Variants in THRAP3 observed in about 807,000 individuals in gnomAD.
THRAP3 encodes the protein thyroid hormone receptor-associated protein 3.
In THRAP3, 16 loss-of-function variants were observed where a neutral mutation model predicts 101.0. The ratio of observed to expected loss-of-function variants is 0.16; its 90% CI spans 0.11 to 0.24. The LOEUF (loss-of-function observed/expected upper bound fraction) is 0.24. THRAP3 is among the 10% of genes least tolerant of loss of function. THRAP3 has a pLI of 1.00. For missense variants in THRAP3, 989 were observed against 1,202.7 expected, an observed-to-expected ratio of 0.82 and a Z score of 2.63; for synonymous variants, 407 against 422.6, an observed-to-expected ratio of 0.96 and a Z score of 0.45.
intron 2 of THRAP3, among the ~76,000 whole-genome samples, chr1:36,272,126 C>G (rs978626395): frequency 7.9e-5 from 12 of 152,082 alleles, no homozygotes; most frequent in African/African-American, 2.7e-4. Flanking sequence ...AAGCAAGCCT[C>G]CTTCCTTAGC....
chr1:36,287,814 G>A (rs1645815146), intron 4 of THRAP3: 1 of 985,322 alleles, frequency 1.0e-6, no homozygotes, highest in African/African-American at 1.7e-5. Context: ...AAGCCAACAC[G>A]GCTGCGTGTT....
rs35954224 is a variant in THRAP3 at position 36,241,192 on chromosome 1, C to CAAA, written c.-135+16702_-135+16704dup. On this transcript the variant is annotated intron_variant, in intron 1 of 11. Transcript: ENST00000354618. ...TGGGCGACAGTGCAAGACTCCGTTTCAAAAAAAAAAAAAAAAAGATTTTTA... is the reference window on the plus strand; with the variant it reads ...TGGGCGACAGTGCAAGACTCCGTTTCAAAAAAAAAAAAAAAAAAAAGATTTTTA... Among the ~76,000 whole-genome samples, 13 of 123,234 alleles carry CAAA rather than the reference C, an allele frequency of 1.1e-4. No individual in the cohort carries two copies. The East Asian group carries it at 1.1e-3, about 11-fold the overall frequency. The allele number at this position is 123,234 out of a possible 152,430, so 80.8% of individuals were successfully genotyped here.
chr1:36,208,372 C>T, the THRAP3 span, among the ~76,000 whole-genome samples: 3 of 152,142 alleles, frequency 2.0e-5, no homozygotes, highest in African/African-American at 7.2e-5. Context: ...AAGCAGTAGT[C>T]AAGGGTGGGA....
chr1:36,249,515 C>T (rs1056614943), intron 1 of THRAP3, among the ~76,000 whole-genome samples: 5 of 152,196 alleles, frequency 3.3e-5, no homozygotes, highest in South Asian at 4.1e-4. Context: ...CTTAAGGGAC[C>T]TTCATGTTTA....
chr1:36,290,217 A>G (rs1176696014), intron 5 of THRAP3, among the ~76,000 whole-genome samples: 1 of 149,566 alleles, frequency 6.7e-6, no homozygotes, highest in Non-Finnish European at 1.5e-5. Context: ...TTTTTTTGAG[A>G]CGGGGTCTCC....
chr1:36,240,832 C>G (rs771591384), intron 1 of THRAP3, among the ~76,000 whole-genome samples: 1 of 152,132 alleles, frequency 6.6e-6, no homozygotes, highest in Non-Finnish European at 1.5e-5. Context: ...ATTTTACCTG[C>G]TACTTTAAAC....
At chr1:36,271,969 A>C (rs567659847) in intron 2 of THRAP3, among the ~76,000 whole-genome samples, 1 of 151,984 alleles carries the variant, frequency 6.6e-6, no homozygotes, top group African/African-American at 2.4e-5. Flanking sequence ...ACCTCAAGTA[A>C]TTCACCCCCT....
At chr1:36,288,889 G>A in intron 4 of THRAP3, 171 bp from the exon 5 acceptor site, 2 of 985,302 alleles carry the variant, frequency 2.0e-6, no homozygotes, top group Non-Finnish European at 2.4e-6. Flanking sequence ...ACTGTGAATG[G>A]CAGTTTTCAG....
intron 6 of THRAP3, among the ~76,000 whole-genome samples, chr1:36,291,977 G>T (rs925411532): frequency 6.6e-6 from 1 of 152,072 alleles, no homozygotes; most frequent in African/African-American, 2.4e-5. Context: ...GAGAAGCTGG[G>T]TTGGGCCAGT....
At chr1:36,211,211 A>T in the THRAP3 span, among the ~76,000 whole-genome samples, 1 of 151,614 alleles carries the variant, frequency 6.6e-6, no homozygotes, top group East Asian at 1.9e-4. Flanking sequence ...AAAAAAAAAA[A>T]TTAACTGTGC....
chr1:36,225,833 A>G (rs773867402), intron 1 of THRAP3, among the ~76,000 whole-genome samples: 1 of 152,260 alleles, frequency 6.6e-6, no homozygotes, highest in African/African-American at 2.4e-5. Context: ...TCATACGTTA[A>G]TGATAAGTTT....
At chr1:36,254,016 T>C (rs944802165) in intron 1 of THRAP3, among the ~76,000 whole-genome samples, 12 of 152,138 alleles carry the variant, frequency 7.9e-5, no homozygotes, top group African/African-American at 2.9e-4. Context: ...GTGGTTCTTG[T>C]TGAAAAATTT....
chr1:36,258,387 C>T (rs544196471), intron 1 of THRAP3, among the ~76,000 whole-genome samples: 2 of 151,268 alleles, frequency 1.3e-5, no homozygotes, highest in African/African-American at 2.4e-5. Flanking sequence ...TTTGTACTTA[C>T]ATTAATAAAG....
chr1:36,305,003 T>C lies in THRAP3; in HGVS notation c.*986T>C. 4.8e-6 allele frequency: 1 copy of C among 209,978 alleles called. No homozygotes were observed. The allele number at this position is 209,978 out of a possible 1,614,324, so 13.0% of individuals were successfully genotyped here. A position where few individuals can be genotyped will look rare whatever the true frequency, so the allele number is the denominator to read the frequency against. The stretch of plus-strand genomic sequence containing the variant: ...GGTGGTTCAGGGGTTTTTTTGGGTT[T>C]CTTTTTTTTTTTCTTTGTCTTTTTA... On this transcript the variant is annotated 3_prime_UTR_variant, in exon 12 of 12. Transcript: ENST00000354618.
the THRAP3 span, among the ~76,000 whole-genome samples, chr1:36,208,228 G>C: frequency 6.6e-6 from 1 of 151,892 alleles, no homozygotes; most frequent in African/African-American, 2.4e-5. Flanking sequence ...TCCTCTCATA[G>C]TTCCCACTGC....
chr1:36,239,624 A>T (rs1645131935), intron 1 of THRAP3, among the ~76,000 whole-genome samples: 1 of 152,152 alleles, frequency 6.6e-6, no homozygotes, highest in Non-Finnish European at 1.5e-5. Flanking sequence ...GGTTCTGGGT[A>T]GGTTAATCAC....
intron 1 of THRAP3, among the ~76,000 whole-genome samples, chr1:36,232,381 G>A (rs1047128902): frequency 4.6e-5 from 7 of 152,104 alleles, no homozygotes; most frequent in African/African-American, 1.7e-4. Flanking sequence ...TTGTACACAT[G>A]TATCTATTAC....
chr1:36,285,213 G>A (rs1023259259), intron 3 of THRAP3, among the ~76,000 whole-genome samples: 3 of 152,200 alleles, frequency 2.0e-5, no homozygotes, highest in Non-Finnish European at 2.9e-5. Flanking sequence ...GAGAAAGCCT[G>A]CTGATTAACT....
At position 36,267,072 on chromosome 1, in the gene THRAP3, C is replaced by T. The variant is rs554515592; in HGVS notation, c.-32+7588C>T. On this transcript the variant is annotated intron_variant, in intron 2 of 11. Coordinates refer to ENST00000354618, the MANE Select transcript of THRAP3 (RefSeq NM_005119.4). ...AATTTTTTTGTATTTTTAGTAGAGA[C>T]GGGGTTTCATCATATTGGTCAGGCT... 1.8e-4 allele frequency among the ~76,000 whole-genome samples: 28 copies of T among 151,962 alleles called. No individual in the cohort carries two copies. The South Asian group carries it at 2.5e-3, about 14-fold the overall frequency.
Sources: allele counts gnomAD v4.1 joint callset (sites outside exome capture counted in the v4.1 genomes callset), GRCh38; gene constraint gnomAD v4.1.1; transcripts MANE v1.5; gene names NCBI Gene and HGNC (gene_info 2026-07-23, HGNC 2026-07-21).